Variants in PGM2 observed in about 807,000 individuals in gnomAD.
PGM2 encodes the protein phosphoglucomutase 2, also known as phosphopentomutase.
PGM2 carries 57 observed loss-of-function variants against 74.6 expected under a neutral mutation model. The observed-to-expected ratio is 0.76, with a 90% CI of 0.62 to 0.95. PGM2 has a LOEUF of 0.95. Ranked by LOEUF, PGM2 falls within the 40% of genes least tolerant of loss-of-function variation. The probability of loss-of-function intolerance (pLI) is 0.00; values close to 1 mark genes in which losing one functional copy is unlikely to be tolerated. For synonymous variants in PGM2, 273 were observed against 260.7 expected (o/e 1.05, Z -0.46); for missense variants, 706 against 741.9 (o/e 0.95, Z 0.56).
intron 13 of PGM2, among the ~76,000 whole-genome samples, chr4:37,857,044 A>T (rs1417257003): frequency 2.0e-5 from 3 of 152,150 alleles, no homozygotes; most frequent in African/African-American, 7.2e-5. Context: ...GAAATACTTG[A>T]TCTGTAGAGT....
At chr4:37,845,809 C>T (rs981868747) in intron 8 of PGM2, 79 bp downstream of exon 8, 7 of 925,050 alleles carry the variant, frequency 7.6e-6, no homozygotes, top group South Asian at 4.0e-5. Context: ...TCTGGGGAGA[C>T]GGGACCTATT....
chr4:37,846,298 G>C (rs1054486690), intron 8 of PGM2, among the ~76,000 whole-genome samples: 4 of 151,294 alleles, frequency 2.6e-5, no homozygotes, highest in Non-Finnish European at 4.4e-5. Context: ...GTGATGTTTT[G>C]GGGGCAGGAG....
chr4:37,840,282 G>A, intron 6 of PGM2, 23 bp downstream of exon 6: 2 of 1,423,342 alleles, frequency 1.4e-6, no homozygotes, highest in Non-Finnish European at 2.0e-6. Flanking sequence ...TGTCTTCACT[G>A]ACCTTAAGTG....
chr4:37,840,828 T>C (rs1386353779), intron 6 of PGM2, among the ~76,000 whole-genome samples: 1 of 152,154 alleles, frequency 6.6e-6, no homozygotes, highest in Non-Finnish European at 1.5e-5. Flanking sequence ...AAAGCCATCA[T>C]AGATGAAATG....
At position 37,839,945 on chromosome 4, in the gene PGM2, T is replaced by C. The variant is rs747691949; in HGVS notation, c.525+14T>C. ...AATGGTTATAAGGTATTTTCCTTTT[T>C]CTACTCCACACGTACATCCTTCTGT... On this transcript the variant is annotated intron_variant, in intron 5 of 13. Coordinates refer to ENST00000381967, the MANE Select transcript of PGM2 (RefSeq NM_018290.4). The C allele has an allele frequency of 6.5e-7, 1 of 1,537,210 alleles. No individual in the cohort carries two copies. The highest frequency in any genetic ancestry group is 1.1e-5 in the South Asian group (1 of 89,390).
chr4:37,844,352 A>G lies in PGM2; in HGVS notation c.720-12A>G, dbSNP rs750784304. The G allele has an allele frequency of 5.7e-6, 9 of 1,580,966 alleles. No homozygotes were observed. The South Asian group carries it at 6.8e-5, about 12-fold the overall frequency. ...TGCCTTGTATCATTTTCCACTGTGT[A>G]TCTGATTCTAGGAGCGTGAACAGGG... On this transcript the variant is annotated splice_polypyrimidine_tract_variant and intron_variant, in intron 6 of 13. Coordinates refer to ENST00000381967, the MANE Select transcript of PGM2 (RefSeq NM_018290.4).
intron 12 of PGM2, among the ~76,000 whole-genome samples, chr4:37,853,393 A>T (rs531633457): frequency 3.4e-5 from 5 of 146,428 alleles, no homozygotes; most frequent in African/African-American, 1.0e-4. Flanking sequence ...AATGTAAACA[A>T]TATCTTACCT....
At chr4:37,855,217 C>T (rs965935894) in intron 12 of PGM2, among the ~76,000 whole-genome samples, 3 of 152,066 alleles carry the variant, frequency 2.0e-5, no homozygotes. Context: ...CCCCAGTCAG[C>T]CCCTGGTAAC....
rs775464359 is a variant in PGM2, at chr4:37,848,520, A to G, written c.1283-2A>G. 1.9e-6 allele frequency: 3 copies of G among 1,611,926 alleles called. No homozygotes were observed. The highest frequency in any genetic ancestry group is 1.7e-6 in the Non-Finnish European group (2 of 1,178,706). On this transcript the variant is annotated splice_acceptor_variant, in intron 10 of 13. Coordinates refer to ENST00000381967, the MANE Select transcript of PGM2 (RefSeq NM_018290.4). LOFTEE classifies it high-confidence loss of function. ...ATGTATGTATGACGTGTGTTTCTGCAGGATACATGTGCTGCCCTTTTGTTC... is the reference window on the plus strand; with the variant it reads ...ATGTATGTATGACGTGTGTTTCTGCGGGATACATGTGCTGCCCTTTTGTTC...
At chr4:37,839,111 A>ATTTTTT (rs60423053) in intron 4 of PGM2, among the ~76,000 whole-genome samples, 1 of 94,660 alleles carries the variant, frequency 1.1e-5, no homozygotes, top group East Asian at 2.6e-4. Flanking sequence ...ATTCCCTCAA[A>ATTTTTT]TTTTTTTTTT....
At position 37,861,647 on chromosome 4, in the gene PGM2, A is replaced by T; in HGVS notation, c.*35A>T. On this transcript the variant is annotated 3_prime_UTR_variant, in exon 14 of 14. Coordinates refer to ENST00000381967, the MANE Select transcript of PGM2 (RefSeq NM_018290.4). Reference sequence around the variant, plus strand: ...GCCTTGGGTATACTTGCATTTACCTACAATTAAGCTGGGTTTAACTTGTTA... The same window carrying T: ...GCCTTGGGTATACTTGCATTTACCTTCAATTAAGCTGGGTTTAACTTGTTA... 7.6e-7 allele frequency: 1 copy of T among 1,316,228 alleles called. No homozygotes were observed. The allele number at this position is 1,316,228 out of a possible 1,614,324, so 81.5% of individuals were successfully genotyped here. A position where few individuals can be genotyped will look rare whatever the true frequency, so the allele number is the denominator to read the frequency against.
intron 3 of PGM2, among the ~76,000 whole-genome samples, chr4:37,837,296 C>T (rs1049719585): frequency 1.3e-5 from 2 of 152,154 alleles, no homozygotes; most frequent in African/African-American, 4.8e-5. Context: ...AGGGGCCTGA[C>T]CTTTCTTGGC....
intron 4 of PGM2, among the ~76,000 whole-genome samples, chr4:37,838,724 A>C (rs1725630308): frequency 6.6e-6 from 1 of 152,234 alleles, no homozygotes; most frequent in South Asian, 2.1e-4. Context: ...CATGTATTCA[A>C]GCATCCTAAT....
intron 12 of PGM2, among the ~76,000 whole-genome samples, chr4:37,852,087 A>ACC (rs1453663186): frequency 2.7e-5 from 3 of 109,360 alleles, no homozygotes; most frequent in Non-Finnish European, 3.7e-5. Flanking sequence ...CTCCCACCTC[A>ACC]CCCTCCTGAG....
At chr4:37,859,319 G>C (rs947447650) in intron 13 of PGM2, among the ~76,000 whole-genome samples, 3 of 152,146 alleles carry the variant, frequency 2.0e-5, no homozygotes, top group African/African-American at 7.2e-5. Flanking sequence ...CAGGTTTCCA[G>C]TGGACCAACA....
At chr4:37,837,004 CACTGTTG>C (rs1725585750) in intron 3 of PGM2, among the ~76,000 whole-genome samples, 1 of 152,162 alleles carries the variant, frequency 6.6e-6, no homozygotes, top group African/African-American at 2.4e-5. Context: ...TCAGCCTCTG[CACTGTTG>C]ACATGTGACT....
At chr4:37,834,525 A>G in intron 2 of PGM2, 93 bp from the exon 3 acceptor site, 1 of 639,890 alleles carries the variant, frequency 1.6e-6, no homozygotes, top group Non-Finnish European at 2.8e-6. Context: ...GTTCTATGAA[A>G]TTTGAGAAAA....
rs1441889036 is a variant in PGM2, at chr4:37,846,927, TCAGTGGTGAATGGAGGGTG to T, written c.1008-3_1023del. ...TGGTGGTTGTTGTTTTTTTTTTCTT[TCAGTGGTGAATGGAGGGTG>T]TTTTCAGGCAATGAGTTGGGGGCCC... is the stretch of plus-strand genomic sequence containing the variant. On this transcript the variant is annotated splice_acceptor_variant and splice_polypyrimidine_tract_variant and coding_sequence_variant and intron_variant, in exon 9 of 14. Transcript: ENST00000381967. LOFTEE classifies it high-confidence loss of function. 1 of 1,586,602 alleles carries T rather than the reference TCAGTGGTGAATGGAGGGTG, an allele frequency of 6.3e-7. No individual in the cohort carries two copies. Among genetic ancestry groups the T allele is most frequent in the Non-Finnish European group, 8.5e-7 (1 of 1,170,738 alleles).
At chr4:37,846,902 T>C in intron 8 of PGM2, 29 bp from the exon 9 acceptor site, 1 of 1,552,670 alleles carries the variant, frequency 6.4e-7, no homozygotes, top group Non-Finnish European at 8.7e-7. Flanking sequence ...TGGAAATGAA[T>C]GGTGGTTGTT....
Sources: gnomAD v4.1 joint callset for allele counts (sites outside exome capture counted in the v4.1 genomes callset) on GRCh38, gnomAD v4.1.1 for gene constraint, MANE v1.5 for transcripts, NCBI Gene and HGNC (gene_info 2026-07-23, HGNC 2026-07-21) for gene names.